UGT1A5: variants seen among roughly 807,000 people sequenced by gnomAD.
UGT1A5 encodes UDP glucuronosyltransferase family 1 member A5.
In UGT1A5, 29 loss-of-function variants were observed where a neutral mutation model predicts 40.3. The observed-to-expected ratio is 0.72, with a 90% confidence interval of 0.54 to 0.98. UGT1A5 has a LOEUF of 0.98. Among genes scored for constraint, UGT1A5 ranks in the 50% least tolerant of loss-of-function variants. The probability of loss-of-function intolerance (pLI) is 0.00; values close to 1 mark genes in which losing one functional copy is unlikely to be tolerated. For missense variants in UGT1A5, 678 were observed against 677.9 expected, an observed-to-expected ratio of 1.00 and a Z score of 0.00; for synonymous variants, 257 against 262.5, an observed-to-expected ratio of 0.98 and a Z score of 0.20.
intron 4 of UGT1A5, chr2:233,771,316 C>G (rs936355212): frequency 6.6e-6 from 1 of 152,132 alleles, no homozygotes; most frequent in Non-Finnish European, 1.5e-5. Context: ...TTTCCCTCTC[C>G]TCTTCAATCT....
At position 233,725,305 on chromosome 2, in the gene UGT1A5, C is replaced by G. The variant is rs59627078; in HGVS notation, c.867+11447C>G. 2.6e-4 allele frequency among the ~76,000 whole-genome samples: 9 copies of G among 33,972 alleles called. 3 individuals are homozygous for G. Among genetic ancestry groups the G allele is most frequent in the African/African-American group, 6.7e-4 (2 of 2,968 alleles). The allele number at this position is 33,972 out of a possible 152,430, so 22.3% of individuals were successfully genotyped here. A position where few individuals can be genotyped will look rare whatever the true frequency, so the allele number is the denominator to read the frequency against. ...GCAGAGGCAGAGGCAGAGGCAGAGG[C>G]AGAGGCAGAGGCGCCTGGTCAACAA... On this transcript the variant is annotated intron_variant, in intron 1 of 4. Coordinates refer to ENST00000373414, the MANE Select transcript of UGT1A5 (RefSeq NM_019078.2).
chr2:233,729,390 A>T (rs1190796582), intron 1 of UGT1A5: 1 of 1,613,904 alleles, frequency 6.2e-7, no homozygotes, highest in East Asian at 2.2e-5. Flanking sequence ...CCCAGGATGA[A>T]TTTGATCGCC....
At chr2:233,757,125 G>A (rs1455211055) in intron 1 of UGT1A5, among the ~76,000 whole-genome samples, 1 of 151,320 alleles carries the variant, frequency 6.6e-6, no homozygotes, top group Non-Finnish European at 1.5e-5. Context: ...CTAGAGAGGA[G>A]GAATGAGCTT....
At chr2:233,747,748 A>G in intron 1 of UGT1A5, 1 of 1,613,310 alleles carries the variant, frequency 6.2e-7, no homozygotes, top group Non-Finnish European at 8.5e-7. Flanking sequence ...ATTCCATGTG[A>G]TTTAGACTTT....
chr2:233,730,318 A>G (rs972603934), intron 1 of UGT1A5, among the ~76,000 whole-genome samples: 3 of 152,210 alleles, frequency 2.0e-5, no homozygotes, highest in African/African-American at 7.2e-5. Flanking sequence ...TGGCAGGAAC[A>G]GGGACACTAC....
At chr2:233,742,280 A>G (rs1486280024) in intron 1 of UGT1A5, among the ~76,000 whole-genome samples, 2 of 152,020 alleles carry the variant, frequency 1.3e-5, no homozygotes, top group Non-Finnish European at 2.9e-5. Flanking sequence ...GATAAGCATC[A>G]TTTCTATAGA....
chr2:233,755,459 T>A (rs1367046072), intron 1 of UGT1A5: 1 of 283,420 alleles, frequency 3.5e-6, no homozygotes, highest in Non-Finnish European at 6.9e-6. Flanking sequence ...GGACTGGCCC[T>A]GCTCTCTGTG....
chr2:233,715,185 C>T (rs2125642752), intron 1 of UGT1A5, among the ~76,000 whole-genome samples: 1 of 152,280 alleles, frequency 6.6e-6, no homozygotes, highest in African/African-American at 2.4e-5. Context: ...CACACCTAGG[C>T]AATTTTTCTA....
At chr2:233,743,990 C>G (rs541433916) in intron 1 of UGT1A5, 2 of 1,267,322 alleles carry the variant, frequency 1.6e-6, no homozygotes, top group South Asian at 2.6e-5. Context: ...GGCGCAGGCC[C>G]GAGTGCTCGG....
At chr2:233,747,507 C>G in intron 1 of UGT1A5, 1 of 1,608,136 alleles carries the variant, frequency 6.2e-7, no homozygotes. Flanking sequence ...CCACACTCAA[C>G]TGTACTTTGA....
intron 1 of UGT1A5, chr2:233,722,212 AT>A (rs2077000405): frequency 6.5e-6 from 1 of 153,656 alleles, no homozygotes; most frequent in African/African-American, 2.4e-5. Context: ...ATGAAAGATC[AT>A]TTACACCAAA....
intron 1 of UGT1A5, among the ~76,000 whole-genome samples, chr2:233,740,131 G>A (rs1211321915): frequency 6.6e-6 from 1 of 151,860 alleles, no homozygotes; most frequent in East Asian, 1.9e-4. Context: ...CTTCTGTCAT[G>A]ATTGTAAGTT....
intron 1 of UGT1A5, among the ~76,000 whole-genome samples, chr2:233,741,049 G>T (rs1450798291): frequency 1.3e-5 from 2 of 151,748 alleles, no homozygotes; most frequent in Non-Finnish European, 2.9e-5. Context: ...ATCTTGCCTA[G>T]GTAACAGCTA....
At chr2:233,721,723 T>A (rs570482911) in intron 1 of UGT1A5, 28 of 397,856 alleles carry the variant, frequency 7.0e-5, no homozygotes, top group Non-Finnish European at 1.0e-5. Flanking sequence ...TTTGTTTACT[T>A]GGATAAGCTT....
chr2:233,757,194 T>A (rs1696434308), intron 1 of UGT1A5, among the ~76,000 whole-genome samples: 1 of 150,834 alleles, frequency 6.6e-6, no homozygotes, highest in Non-Finnish European at 1.5e-5. Context: ...GACTCTGAAT[T>A]TTCTGTGCCC....
chr2:233,759,150 A>G (rs1697070072), intron 1 of UGT1A5, among the ~76,000 whole-genome samples: 1 of 152,238 alleles, frequency 6.6e-6, no homozygotes. Flanking sequence ...GGTGAGTTCC[A>G]CAGAACACAA....
intron 1 of UGT1A5, 80 bp downstream of exon 1, chr2:233,713,938 A>C: frequency 6.2e-7 from 1 of 1,610,914 alleles, no homozygotes; most frequent in Non-Finnish European, 8.5e-7. Flanking sequence ...AAGTGCTTCC[A>C]TATCTACTTA....
chr2:233,743,437 C>G (rs1376111647), intron 1 of UGT1A5: 4 of 1,360,536 alleles, frequency 2.9e-6, no homozygotes, highest in East Asian at 4.6e-5. Flanking sequence ...GGAACGAAAT[C>G]CTGTATCAAA....
At chr2:233,719,572 A>G in intron 1 of UGT1A5, 1 of 1,613,858 alleles carries the variant, frequency 6.2e-7, no homozygotes. Flanking sequence ...CTTGTCAGCT[A>G]TGCATCCGTG....
Sources: allele counts gnomAD v4.1 joint callset (sites outside exome capture counted in the v4.1 genomes callset), GRCh38; gene constraint gnomAD v4.1.1; transcripts MANE v1.5; gene names NCBI Gene and HGNC (gene_info 2026-07-23, HGNC 2026-07-21).